RSRC1: variants seen among roughly 807,000 people sequenced by gnomAD.
The protein encoded by RSRC1 is serine/Arginine-related protein 53.
RSRC1 carries 39 observed loss-of-function variants against 49.1 expected under a neutral mutation model. That is an observed-to-expected ratio of 0.79 (90% CI 0.61 to 1.04). The LOEUF is 1.04. Ranked by LOEUF, RSRC1 falls within the 50% of genes least tolerant of loss-of-function variation. The pLI is 0.00. For synonymous variants in RSRC1, 143 were observed against 130.8 expected, an observed-to-expected ratio of 1.09 and a Z score of -0.63; for missense variants, 388 against 402.4, an observed-to-expected ratio of 0.96 and a Z score of 0.31.
chr3:158,265,858 T>C (rs1259616636), intron 4 of RSRC1, among the ~76,000 whole-genome samples: 1 of 152,218 alleles, frequency 6.6e-6, no homozygotes, highest in Admixed American at 6.5e-5. Context: ...TTTATGTCTG[T>C]GATCATTTTG....
rs117247632 is a variant in RSRC1, at chr3:158,308,521, A to G, written c.531+10446A>G. ...CTGACCAGGTGCATATCTGTTCATAATTGCATGTCATTCTGATGGGGAAAT... is the reference window on the plus strand; with the variant it reads ...CTGACCAGGTGCATATCTGTTCATAGTTGCATGTCATTCTGATGGGGAAAT... On this transcript the variant is annotated intron_variant, in intron 5 of 9. Coordinates refer to ENST00000611884, the MANE Select transcript of RSRC1 (RefSeq NM_001271838.2). Among the ~76,000 whole-genome samples, 4 of 152,026 alleles carry G rather than the reference A, an allele frequency of 2.6e-5. No homozygotes were observed. The East Asian group carries it at 5.8e-4, about 22-fold the overall frequency.
chr3:158,428,089 T>C (rs572121586), intron 6 of RSRC1, among the ~76,000 whole-genome samples: 2 of 151,886 alleles, frequency 1.3e-5, no homozygotes, highest in East Asian at 3.9e-4. Context: ...TTTTAAGTCT[T>C]ACTTCCACCC....
intron 3 of RSRC1, 53 bp from the exon 4 acceptor site, chr3:158,203,019 T>C: frequency 1.4e-6 from 2 of 1,424,096 alleles, no homozygotes; most frequent in Non-Finnish European, 1.9e-6. Flanking sequence ...GTATTTACTT[T>C]TCACGATACA....
chr3:158,204,703 C>T (rs183542012), intron 4 of RSRC1, among the ~76,000 whole-genome samples: 28 of 152,244 alleles, frequency 1.8e-4, no homozygotes, highest in South Asian at 4.1e-4. Flanking sequence ...TGCCTTGCTT[C>T]TGGTTCCTTT....
At chr3:158,201,345 A>G (rs1721034656) in intron 3 of RSRC1, among the ~76,000 whole-genome samples, 1 of 152,044 alleles carries the variant, frequency 6.6e-6, no homozygotes, top group East Asian at 1.9e-4. Context: ...GGTCTTCTTA[A>G]TATTTATCTT....
At chr3:158,419,804 G>C (rs774993327) in intron 6 of RSRC1, among the ~76,000 whole-genome samples, 5 of 135,486 alleles carry the variant, frequency 3.7e-5, no homozygotes, top group Non-Finnish European at 7.8e-5. Flanking sequence ...ACATGTAATA[G>C]ACACTTTAAA....
intron 7 of RSRC1, among the ~76,000 whole-genome samples, chr3:158,523,774 G>A (rs1036811513): frequency 6.6e-6 from 1 of 152,040 alleles, no homozygotes; most frequent in Non-Finnish European, 1.5e-5. Flanking sequence ...TTGATGAGAG[G>A]AATGAGCAGG....
intron 3 of RSRC1, among the ~76,000 whole-genome samples, chr3:158,165,890 A>G (rs1384205619): frequency 2.0e-5 from 3 of 152,192 alleles, no homozygotes; most frequent in Non-Finnish European, 4.4e-5. Context: ...TTTCAACACA[A>G]TCATCTAATT....
At chr3:158,524,758 A>G (rs1711905685) in intron 7 of RSRC1, among the ~76,000 whole-genome samples, 1 of 152,026 alleles carries the variant, frequency 6.6e-6, no homozygotes, top group Non-Finnish European at 1.5e-5. Flanking sequence ...ATGATCAATT[A>G]ATTTTCAACA....
intron 5 of RSRC1, among the ~76,000 whole-genome samples, chr3:158,334,514 C>T (rs945540768): frequency 4.0e-5 from 6 of 148,344 alleles, no homozygotes; most frequent in African/African-American, 1.5e-4. Flanking sequence ...GATGGAGTCA[C>T]TGTGTCGCCA....
intron 7 of RSRC1, among the ~76,000 whole-genome samples, chr3:158,526,128 A>G (rs774242373): frequency 2.6e-5 from 4 of 151,966 alleles, no homozygotes; most frequent in Non-Finnish European, 5.9e-5. Context: ...TTCATTATTG[A>G]TATAGCAAAA....
At chr3:158,184,548 A>G (rs994575536) in intron 3 of RSRC1, among the ~76,000 whole-genome samples, 2 of 152,182 alleles carry the variant, frequency 1.3e-5, no homozygotes, top group Non-Finnish European at 2.9e-5. Flanking sequence ...GGCAATTAAA[A>G]TAATGACATA....
chr3:158,276,202 G>A, intron 4 of RSRC1: 1 of 800,856 alleles, frequency 1.2e-6, no homozygotes, highest in Non-Finnish European at 2.2e-6. Context: ...TTAGGAACTG[G>A]GCATTTTCGG....
intron 3 of RSRC1, among the ~76,000 whole-genome samples, chr3:158,166,546 G>C (rs573076240): frequency 1.3e-5 from 2 of 152,288 alleles, no homozygotes; most frequent in African/African-American, 4.8e-5. Flanking sequence ...AATGCTTAAG[G>C]TTAAAATTAT....
chr3:158,214,815 T>C (rs541010063), intron 4 of RSRC1, among the ~76,000 whole-genome samples: 11 of 151,988 alleles, frequency 7.2e-5, no homozygotes, highest in Admixed American at 7.2e-4. Context: ...CTCTTATAAA[T>C]TAGTTAAGGT....
intron 4 of RSRC1, among the ~76,000 whole-genome samples, chr3:158,211,788 A>G (rs1302961820): frequency 6.7e-6 from 1 of 149,484 alleles, no homozygotes; most frequent in Non-Finnish European, 1.5e-5. Flanking sequence ...GTGTCAGAAG[A>G]CTAGTACTAT....
intron 4 of RSRC1, among the ~76,000 whole-genome samples, chr3:158,253,515 A>G (rs370165117): frequency 2.0e-5 from 3 of 152,124 alleles, no homozygotes; most frequent in Non-Finnish European, 4.4e-5. Flanking sequence ...GAGATAATCC[A>G]TGAGCTGAGG....
At chr3:158,264,308 T>G (rs1225565538) in intron 4 of RSRC1, among the ~76,000 whole-genome samples, 2 of 152,232 alleles carry the variant, frequency 1.3e-5, no homozygotes, top group Non-Finnish European at 2.9e-5. Flanking sequence ...GCATATAGTT[T>G]CCAAATTTTG....
chr3:158,524,948 A>T (rs144344288), intron 7 of RSRC1, among the ~76,000 whole-genome samples: 113 of 152,168 alleles, frequency 7.4e-4, no homozygotes, highest in African/African-American at 2.7e-3. Context: ...GAAATGTATT[A>T]TAAACCTAAT....
Sources: allele counts gnomAD v4.1 joint callset (sites outside exome capture counted in the v4.1 genomes callset), GRCh38; gene constraint gnomAD v4.1.1; transcripts MANE v1.5; gene names NCBI Gene and HGNC (gene_info 2026-07-23, HGNC 2026-07-21).